GRIK1: variants seen among roughly 807,000 people sequenced by gnomAD.
GRIK1 encodes glutamate receptor ionotropic, kainate 1.
GRIK1 carries 69 observed loss-of-function variants against 105.7 expected under a neutral mutation model. The ratio of observed to expected loss-of-function variants is 0.65; its 90% CI spans 0.54 to 0.80. The LOEUF is 0.80. Among genes scored for constraint, GRIK1 ranks in the 30% least tolerant of loss-of-function variants. The pLI, the probability that GRIK1 is intolerant of heterozygous loss-of-function variation, is 0.00. For synonymous variants in GRIK1, 438 were observed against 431.3 expected (o/e 1.02, Z -0.19); for missense variants, 1,109 against 1,167.3 (o/e 0.95, Z 0.73).
intron 7 of GRIK1, among the ~76,000 whole-genome samples, chr21:29,642,424 G>A (rs1056258443): frequency 1.4e-4 from 21 of 152,208 alleles, no homozygotes; most frequent in African/African-American, 5.1e-4. Context: ...CTGAGCTTTA[G>A]GAGGCCACTG....
intron 1 of GRIK1, among the ~76,000 whole-genome samples, chr21:29,844,668 C>T (rs1169275051): frequency 6.6e-6 from 1 of 152,160 alleles, no homozygotes; most frequent in East Asian, 1.9e-4. Flanking sequence ...CTCCTCACTC[C>T]GTAAAACCAT....
chr21:29,842,688 T>G (rs777160552), intron 1 of GRIK1, among the ~76,000 whole-genome samples: 35 of 152,228 alleles, frequency 2.3e-4, no homozygotes, highest in Non-Finnish European at 3.8e-4. Context: ...AGTTATATCT[T>G]CAAACTATCT....
At chr21:29,678,669 AT>A (rs562051013) in intron 3 of GRIK1, among the ~76,000 whole-genome samples, 2 of 151,918 alleles carry the variant, frequency 1.3e-5, no homozygotes, top group Non-Finnish European at 2.9e-5. Flanking sequence ...GTAATTTATC[AT>A]TTTTTTTGAT....
At chr21:29,863,066 G>A (rs2146099157) in intron 1 of GRIK1, among the ~76,000 whole-genome samples, 1 of 152,266 alleles carries the variant, frequency 6.6e-6, no homozygotes, top group South Asian at 2.1e-4. Context: ...GTGTATATGT[G>A]TCTGTGAATC....
chr21:29,810,148 T>G (rs1412416766), intron 1 of GRIK1, among the ~76,000 whole-genome samples: 16 of 151,880 alleles, frequency 1.1e-4, no homozygotes, highest in Non-Finnish European at 2.4e-4. Context: ...AAATACAAAA[T>G]TAGCTGGGCA....
intron 1 of GRIK1, among the ~76,000 whole-genome samples, chr21:29,889,427 A>T (rs1392879167): frequency 6.6e-6 from 1 of 152,178 alleles, no homozygotes; most frequent in African/African-American, 2.4e-5. Context: ...GGATAAATCC[A>T]GAATCACAAG....
At chr21:29,912,774 G>A (rs1376733994) in intron 1 of GRIK1, among the ~76,000 whole-genome samples, 1 of 152,144 alleles carries the variant, frequency 6.6e-6, no homozygotes, top group East Asian at 1.9e-4. Context: ...AGCAAAAGGA[G>A]AGATGATGAT....
At chr21:29,602,886 C>T (rs1342883455) in intron 7 of GRIK1, among the ~76,000 whole-genome samples, 1 of 152,048 alleles carries the variant, frequency 6.6e-6, no homozygotes. Flanking sequence ...CATTTGATAT[C>T]TCTTTTATAA....
In GRIK1 at chr21:29,673,047, T is replaced by C; in HGVS notation, c.662A>G (p.Lys221Arg). 1.2e-6 allele frequency: 2 copies of C among 1,613,514 alleles called. No homozygotes were observed. Among genetic ancestry groups the C allele is most frequent in the Non-Finnish European group, 1.7e-6 (2 of 1,179,454 alleles). Residue 221 changes from lysine to arginine, a missense_variant, in exon 4 of 18, where the codon AAA becomes AGA. By Grantham distance (26) the Lys-to-Arg change is conservative. Around this residue, in one of 5 missense-constraint regions of GRIK1, gnomAD observed 612 missense variants for 586.0 expected, o/e 1.04. Coordinates refer to ENST00000327783, the MANE Select transcript of GRIK1 (RefSeq NM_001330994.2). Reference sequence around the variant, plus strand: ...AAATATCACATAGAACTCCTTGCCTTTCTTCATCTCCTTGAGTAAAGGCTT... The same window carrying C: ...AAATATCACATAGAACTCCTTGCCTCTCTTCATCTCCTTGAGTAAAGGCTT... ...DAKPLLKEMK[K>R]GKEFYVIFDC...
intron 1 of GRIK1, among the ~76,000 whole-genome samples, chr21:29,859,712 G>A (rs469041): frequency 0.34 from 51,064 of 152,084 alleles, 9,593 homozygotes; most frequent in African/African-American, 0.51. Flanking sequence ...CTGGGCTCCC[G>A]ATTCTTCTCT....
At chr21:29,796,200 G>A (rs937925062) in intron 1 of GRIK1, among the ~76,000 whole-genome samples, 25 of 152,106 alleles carry the variant, frequency 1.6e-4, no homozygotes, top group Non-Finnish European at 1.5e-5. Flanking sequence ...CTCATTCTTA[G>A]TGGGCTAAAT....
intron 1 of GRIK1, among the ~76,000 whole-genome samples, chr21:29,730,596 C>T (rs922399650): frequency 3.3e-5 from 5 of 152,176 alleles, no homozygotes; most frequent in African/African-American, 1.2e-4. Flanking sequence ...CTTAGCTGAA[C>T]TTGCATAGCT....
At chr21:29,613,598 C>T (rs2061776530) in intron 7 of GRIK1, among the ~76,000 whole-genome samples, 1 of 152,090 alleles carries the variant, frequency 6.6e-6, no homozygotes, top group East Asian at 1.9e-4. Flanking sequence ...AGGTATTTAT[C>T]TATCTATCTA....
chr21:29,689,212 A>G (rs1365510995), intron 3 of GRIK1, among the ~76,000 whole-genome samples: 1 of 152,194 alleles, frequency 6.6e-6, no homozygotes, highest in Non-Finnish European at 1.5e-5. Flanking sequence ...ACCCTGAACA[A>G]GCACATGGAG....
Position 29,561,869 on chromosome 21 carries a change from A to T in GRIK1, c.2131-20T>A. ...TGATTTCTGGAGGGAAAGAAAACAC[A>T]CTCACCAGCAGAAGAGGGCTGGAAA... On this transcript the variant is annotated intron_variant, in intron 14 of 17. Coordinates refer to ENST00000327783, the MANE Select transcript of GRIK1 (RefSeq NM_001330994.2). 1 of 1,437,192 alleles carries T rather than the reference A, an allele frequency of 7.0e-7. No individual in the cohort carries two copies. Among genetic ancestry groups the T allele is most frequent in the Non-Finnish European group, 9.8e-7 (1 of 1,022,036 alleles). 89.0% of individuals were successfully genotyped at this position (1,437,192 alleles called of 1,614,324 possible).
intron 7 of GRIK1, among the ~76,000 whole-genome samples, chr21:29,624,318 T>C (rs995091484): frequency 7.2e-5 from 11 of 152,310 alleles, no homozygotes; most frequent in Admixed American, 4.6e-4. Context: ...TGAGTGAATC[T>C]AGATTTAGGT....
intron 1 of GRIK1, among the ~76,000 whole-genome samples, chr21:29,877,949 T>G (rs1217443670): frequency 6.6e-6 from 1 of 151,998 alleles, no homozygotes; most frequent in Non-Finnish European, 1.5e-5. Context: ...ATAAAAGAAG[T>G]AGGAAAGAAC....
At chr21:29,856,861 T>A (rs2068480030) in intron 1 of GRIK1, among the ~76,000 whole-genome samples, 1 of 152,048 alleles carries the variant, frequency 6.6e-6, no homozygotes, top group Non-Finnish European at 1.5e-5. Flanking sequence ...AGAGCAGTAT[T>A]TTAGGCACCA....
At chr21:29,657,105 C>G (rs1460246200) in intron 4 of GRIK1, among the ~76,000 whole-genome samples, 1 of 152,122 alleles carries the variant, frequency 6.6e-6, no homozygotes, top group Admixed American at 6.5e-5. Flanking sequence ...GTCAGAAATC[C>G]TATTTTTCAC....
Sources: allele counts gnomAD v4.1 joint callset (sites outside exome capture counted in the v4.1 genomes callset), GRCh38; gene constraint gnomAD v4.1.1; regional missense constraint gnomAD v4.1.1; transcripts MANE v1.5; gene names NCBI Gene and HGNC (gene_info 2026-07-23, HGNC 2026-07-21).